IL1RAPL1: variants seen among roughly 807,000 people sequenced by gnomAD.
The protein encoded by IL1RAPL1 is interleukin 1 receptor accessory protein like 1.
IL1RAPL1 carries 3 observed loss-of-function variants against 48.4 expected under a neutral mutation model. The ratio of observed to expected loss-of-function variants is 0.06; its 90% CI spans 0.03 to 0.16. The LOEUF (loss-of-function observed/expected upper bound fraction) is 0.16. Ranked by LOEUF, IL1RAPL1 falls within the 10% of genes least tolerant of loss-of-function variation. IL1RAPL1 has a pLI of 1.00. For synonymous variants in IL1RAPL1, 185 were observed against 187.7 expected (o/e 0.99, Z 0.12); for missense variants, 349 against 530.6 (o/e 0.66, Z 3.36).
chrX:29,397,905 A>G (rs187403299), intron 4 of IL1RAPL1, among the ~76,000 whole-genome samples: 2 of 112,201 alleles, frequency 1.8e-5, no homozygotes, highest in East Asian at 2.8e-4. Context: ...ATGAGAGACT[A>G]CACACACACA....
intron 1 of IL1RAPL1, among the ~76,000 whole-genome samples, chrX:28,623,264 A>G (rs963853399): frequency 7.2e-5 from 8 of 111,483 alleles, no homozygotes; most frequent in African/African-American, 2.3e-4. Flanking sequence ...CTGTCTGTGC[A>G]TCCTTCGTCC....
intron 2 of IL1RAPL1, among the ~76,000 whole-genome samples, chrX:29,226,194 T>TG (rs1931074751): frequency 8.9e-6 from 1 of 111,853 alleles, no homozygotes; most frequent in African/African-American, 3.2e-5. Context: ...TAATAAAAGT[T>TG]GTTGTGTACA....
intron 5 of IL1RAPL1, among the ~76,000 whole-genome samples, chrX:29,479,155 A>G (rs1193107849): frequency 9.1e-6 from 1 of 109,576 alleles, no homozygotes; most frequent in Non-Finnish European, 1.9e-5. Context: ...CACGTCTGTA[A>G]TCCCAGCACT....
chrX:29,161,550 G>A (rs1222818307), intron 2 of IL1RAPL1, among the ~76,000 whole-genome samples: 1 of 112,121 alleles, frequency 8.9e-6, no homozygotes, highest in Non-Finnish European at 1.9e-5. Flanking sequence ...AAATAAAAAT[G>A]TTCATGTTTT....
In IL1RAPL1 at chrX:29,635,559, T is replaced by G. The variant is rs1238093274; in HGVS notation, c.704-32871T>G. ...AATGTATCATTTCACAAGAAAGTTC[T>G]GGAGGTTATATGTTACCAAAATGAG... is the stretch of plus-strand genomic sequence containing the variant. On this transcript the variant is annotated intron_variant, in intron 5 of 10. Transcript: ENST00000378993. Among the ~76,000 whole-genome samples the G allele has an allele frequency of 1.8e-5, 2 of 111,750 alleles. 1 individual carries two copies. Among genetic ancestry groups the G allele is most frequent in the Non-Finnish European group, 3.8e-5 (2 of 53,156 alleles).
chrX:29,806,997 C>A (rs1444191805), intron 6 of IL1RAPL1, among the ~76,000 whole-genome samples: 1 of 110,599 alleles, frequency 9.0e-6, no homozygotes, highest in Non-Finnish European at 1.9e-5. Flanking sequence ...TTTCCTGAGG[C>A]CTCCCCAGAA....
intron 5 of IL1RAPL1, among the ~76,000 whole-genome samples, chrX:29,484,497 C>T (rs778975577): frequency 1.8e-5 from 2 of 111,645 alleles, no homozygotes; most frequent in Non-Finnish European, 3.8e-5. Flanking sequence ...ACACAATAAA[C>T]GAGCAAAAAA....
chrX:29,421,722 T>A (rs1267135079), intron 5 of IL1RAPL1, among the ~76,000 whole-genome samples: 1 of 111,709 alleles, frequency 9.0e-6, no homozygotes, highest in African/African-American at 3.3e-5. Flanking sequence ...TAGTACAATA[T>A]GAGAAACAAC....
intron 5 of IL1RAPL1, among the ~76,000 whole-genome samples, chrX:29,490,919 CGTA>C (rs890403819): frequency 6.6e-5 from 7 of 105,941 alleles, no homozygotes; most frequent in African/African-American, 1.5e-4. Context: ...TCTCACCCCT[CGTA>C]GTCATTTGTA....
intron 5 of IL1RAPL1, among the ~76,000 whole-genome samples, chrX:29,658,832 A>G (rs754466633): frequency 8.9e-6 from 1 of 111,958 alleles, no homozygotes; most frequent in South Asian, 3.7e-4. Flanking sequence ...GAACATTACA[A>G]TTCTTCTCTT....
At chrX:28,871,509 T>C (rs1922207075) in intron 2 of IL1RAPL1, among the ~76,000 whole-genome samples, 1 of 112,013 alleles carries the variant, frequency 8.9e-6, no homozygotes, top group African/African-American at 3.2e-5. Context: ...CTTCCAAATG[T>C]AGCAGCAACC....
At chrX:29,802,928 T>C (rs867997592) in intron 6 of IL1RAPL1, among the ~76,000 whole-genome samples, 4 of 91,593 alleles carry the variant, frequency 4.4e-5, no homozygotes, top group East Asian at 3.3e-4. Context: ...CATATATACA[T>C]ATATGTGTAC....
At chrX:29,300,046 A>G (rs1190980850) in intron 3 of IL1RAPL1, among the ~76,000 whole-genome samples, 1 of 111,513 alleles carries the variant, frequency 9.0e-6, no homozygotes, top group Non-Finnish European at 1.9e-5. Context: ...CTTCCACTAT[A>G]AGTGGAAGCA....
chrX:29,858,952 G>A (rs1931527001), intron 6 of IL1RAPL1, among the ~76,000 whole-genome samples: 1 of 110,921 alleles, frequency 9.0e-6, no homozygotes, highest in Non-Finnish European at 1.9e-5. Flanking sequence ...CTCCTCTGCA[G>A]CATTGGGCAC....
At chrX:29,096,810 C>T (rs1928226010) in intron 2 of IL1RAPL1, among the ~76,000 whole-genome samples, 1 of 110,556 alleles carries the variant, frequency 9.0e-6, no homozygotes, top group Non-Finnish European at 1.9e-5. Context: ...AGGTATAGGA[C>T]TAAGATTTTA....
At chrX:29,270,239 G>A (rs1932020116) in intron 2 of IL1RAPL1, among the ~76,000 whole-genome samples, 1 of 111,788 alleles carries the variant, frequency 8.9e-6, no homozygotes, top group South Asian at 3.7e-4. Context: ...TAGACGTAGA[G>A]TTTTCTTGTC....
intron 1 of IL1RAPL1, among the ~76,000 whole-genome samples, chrX:28,714,066 T>G (rs1935473722): frequency 8.9e-6 from 1 of 112,058 alleles, no homozygotes; most frequent in Admixed American, 9.5e-5. Context: ...ATGTATAATT[T>G]TATTGCTTTA....
intron 5 of IL1RAPL1, among the ~76,000 whole-genome samples, chrX:29,446,266 C>G (rs1333130490): frequency 9.0e-6 from 1 of 111,431 alleles, no homozygotes; most frequent in Non-Finnish European, 1.9e-5. Context: ...ATGTTGAAAG[C>G]CTCCCCGGTG....
chrX:28,743,532 A>G (rs1029541066), intron 1 of IL1RAPL1, among the ~76,000 whole-genome samples: 2 of 111,218 alleles, frequency 1.8e-5, no homozygotes, highest in Non-Finnish European at 3.8e-5. Context: ...ACAACCAAGT[A>G]TATAGTTTGC....
Sources: gnomAD v4.1 joint callset for allele counts (sites outside exome capture counted in the v4.1 genomes callset) on GRCh38, gnomAD v4.1.1 for gene constraint, MANE v1.5 for transcripts, NCBI Gene and HGNC (gene_info 2026-07-23, HGNC 2026-07-21) for gene names.